Variants in DLG5 observed in about 807,000 individuals in gnomAD.
DLG5 encodes the protein discs large MAGUK scaffold protein 5, also known as disks large homolog 5.
A neutral mutation model predicts 189.8 loss-of-function variants in DLG5; 48 were observed. The ratio of observed to expected loss-of-function variants is 0.25; its 90% CI spans 0.20 to 0.32. The LOEUF (loss-of-function observed/expected upper bound fraction) is 0.32, where lower values mean the gene tolerates loss of function less well. DLG5 is among the 10% of genes least tolerant of loss of function. The probability of loss-of-function intolerance (pLI) is 1.00; values close to 1 mark genes in which losing one functional copy is unlikely to be tolerated. For synonymous variants in DLG5, 1,016 were observed against 1,054.1 expected, an observed-to-expected ratio of 0.96 and a Z score of 0.70; for missense variants, 2,160 against 2,544.7, an observed-to-expected ratio of 0.85 and a Z score of 3.25.
At chr10:77,860,713 TTAAA>T (rs1408259933) in intron 2 of DLG5, among the ~76,000 whole-genome samples, 3 of 152,286 alleles carry the variant, frequency 2.0e-5, no homozygotes, top group Admixed American at 6.5e-5. Flanking sequence ...CTTACCAAGG[TTAAA>T]TAGTGTGTCC....
chr10:77,834,179 G>A (rs562936667), intron 8 of DLG5, 140 bp from the exon 9 acceptor site: 1 of 1,236,564 alleles, frequency 8.1e-7, no homozygotes, highest in African/African-American at 1.5e-5. Context: ...GAACACTTGG[G>A]AATCTAGGGG....
chr10:77,902,156 T>C lies in DLG5; in HGVS notation c.304+24061A>G, dbSNP rs146783541. 9.3e-4 allele frequency among the ~76,000 whole-genome samples: 142 copies of C among 152,222 alleles called. 2 individuals are homozygous for C. The highest frequency in any genetic ancestry group is 5.8e-3 in the East Asian group (30 of 5,158). On this transcript the variant is annotated intron_variant, in intron 1 of 31. Transcript: ENST00000372391. ...TTGGACACTGAGGAGATGCCGTGCC[T>C]ATTTCCCAAACACCGAGTAAAAGGA...
chr10:77,876,614 T>C (rs1845098045), intron 1 of DLG5, among the ~76,000 whole-genome samples: 1 of 143,618 alleles, frequency 7.0e-6, no homozygotes, highest in African/African-American at 2.6e-5. Flanking sequence ...CTTCAGGTGA[T>C]CCACCCCAAA....
At chr10:77,797,861 CCTCTT>C (rs1162556170) in intron 27 of DLG5, among the ~76,000 whole-genome samples, 1 of 152,190 alleles carries the variant, frequency 6.6e-6, no homozygotes, top group Non-Finnish European at 1.5e-5. Context: ...TCTCTCCTCT[CCTCTT>C]GCCCTGTCCC....
At chr10:77,901,823 G>A (rs773937912) in intron 1 of DLG5, among the ~76,000 whole-genome samples, 11 of 152,166 alleles carry the variant, frequency 7.2e-5, no homozygotes, top group Non-Finnish European at 1.6e-4. Context: ...CTGGAAAGAC[G>A]AGCTCTCTGT....
intron 5 of DLG5, among the ~76,000 whole-genome samples, chr10:77,846,496 A>C (rs1174610750): frequency 6.6e-6 from 1 of 152,088 alleles, no homozygotes; most frequent in African/African-American, 2.4e-5. Flanking sequence ...TGGAAGTTCC[A>C]GACCAGCCTG....
chr10:77,812,450 C>T (rs1841825471), intron 20 of DLG5, 73 bp from the exon 21 acceptor site: 1 of 1,539,896 alleles, frequency 6.5e-7, no homozygotes, highest in African/African-American at 1.4e-5. Flanking sequence ...GCTCTCTGAT[C>T]AGGCATATGA....
intron 1 of DLG5, among the ~76,000 whole-genome samples, chr10:77,882,729 T>C (rs1845318203): frequency 6.8e-6 from 1 of 148,096 alleles, no homozygotes; most frequent in South Asian, 2.2e-4. Context: ...CTGGCCAACA[T>C]GGTGAAACCT....
At chr10:77,825,610 C>A (rs1385963161) in intron 13 of DLG5, among the ~76,000 whole-genome samples, 1 of 151,540 alleles carries the variant, frequency 6.6e-6, no homozygotes, top group Admixed American at 6.6e-5. Context: ...GGCTGAAGTG[C>A]AGAGGCATGA....
chr10:77,811,278 C>T (rs1276190093), intron 22 of DLG5, 44 bp from the exon 23 acceptor site: 1 of 1,582,184 alleles, frequency 6.3e-7, no homozygotes, highest in East Asian at 2.2e-5. Context: ...TACGAAGCCA[C>T]CCAGAGCCAC....
At chr10:77,857,476 C>T (rs1844292173) in intron 2 of DLG5, among the ~76,000 whole-genome samples, 1 of 152,218 alleles carries the variant, frequency 6.6e-6, no homozygotes, top group South Asian at 2.1e-4. Context: ...CCAACCAGCC[C>T]AGGCGTGCAG....
intron 1 of DLG5, among the ~76,000 whole-genome samples, chr10:77,910,702 T>C (rs895784716): frequency 6.6e-5 from 10 of 152,200 alleles, no homozygotes; most frequent in Non-Finnish European, 8.8e-5. Context: ...CCGGGCGTCG[T>C]GGTTCACATC....
At chr10:77,897,769 T>C (rs1324604123) in intron 1 of DLG5, among the ~76,000 whole-genome samples, 2 of 151,382 alleles carry the variant, frequency 1.3e-5, no homozygotes, top group Non-Finnish European at 1.5e-5. Context: ...GAAAAAGATC[T>C]ATCATATAAT....
intron 27 of DLG5, among the ~76,000 whole-genome samples, chr10:77,801,324 T>A (rs1841192891): frequency 6.6e-6 from 1 of 151,742 alleles, no homozygotes; most frequent in Non-Finnish European, 1.5e-5. Flanking sequence ...CTTCTGAAAG[T>A]AAGAACATAA....
chr10:77,820,975 G>C, intron 15 of DLG5, 107 bp downstream of exon 15: 1 of 1,434,208 alleles, frequency 7.0e-7, no homozygotes, highest in Non-Finnish European at 9.3e-7. Context: ...AAGGCACCAG[G>C]CTAAACAGGG....
intron 23 of DLG5, among the ~76,000 whole-genome samples, chr10:77,809,948 A>C (rs992585612): frequency 1.3e-5 from 2 of 152,176 alleles, no homozygotes; most frequent in East Asian, 3.9e-4. Flanking sequence ...AAAGCCAGTT[A>C]GCGGGGGCAG....
intron 6 of DLG5, 93 bp downstream of exon 6, chr10:77,843,354 A>C: frequency 6.8e-7 from 1 of 1,460,456 alleles, no homozygotes; most frequent in South Asian, 1.3e-5. Context: ...TGATTGAAAA[A>C]GCACAATAAC....
rs540808981 is a variant in DLG5 at position 77,822,032 on chromosome 10, G to A, written c.2452C>T (p.Leu818=). The part of the protein sequence containing the change: ...FENIKDSDKM[L]SFRAHGPEVQ... Reference sequence around the variant, plus strand: ...TCCGGGCCATGGGCTCGAAAACTCAGCATCTTATCAGAGTCTTTGATATTT... The same window carrying A: ...TCCGGGCCATGGGCTCGAAAACTCAACATCTTATCAGAGTCTTTGATATTT... Residue 818 remains leucine (L), a synonymous_variant, in exon 15 of 32, where the codon CTG becomes TTG. Coordinates refer to ENST00000372391, the MANE Select transcript of DLG5 (RefSeq NM_004747.4). 6.2e-7 allele frequency: 1 copy of A among 1,614,078 alleles called. No homozygotes were observed. The highest frequency in any genetic ancestry group is 8.5e-7 in the Non-Finnish European group (1 of 1,180,020).
chr10:77,895,468 A>C lies in DLG5; in HGVS notation c.305-26271T>G, dbSNP rs377466801. ...CAAATAACCTGTAACACTCCTGGCA[A>C]TGGTACATTTGAGCCCTGAGTATAG... is the stretch of plus-strand genomic sequence containing the variant. On this transcript the variant is annotated intron_variant, in intron 1 of 31. Transcript: ENST00000372391. Among the ~76,000 whole-genome samples the C allele has an allele frequency of 1.5e-4, 23 of 152,214 alleles. No homozygotes were observed. The South Asian group carries it at 4.8e-3, about 32-fold the overall frequency.
Sources: allele counts gnomAD v4.1 joint callset (sites outside exome capture counted in the v4.1 genomes callset), GRCh38; gene constraint gnomAD v4.1.1; transcripts MANE v1.5; gene names NCBI Gene and HGNC (gene_info 2026-07-23, HGNC 2026-07-21).